The following SDK2 variants were observed in gnomAD, a reference collection of about 807,000 sequenced individuals.
SDK2 encodes the protein protein sidekick-2.
A neutral mutation model predicts 253.9 loss-of-function variants in SDK2; 105 were observed. The ratio of observed to expected loss-of-function variants is 0.41; its 90% CI spans 0.35 to 0.49. The LOEUF (loss-of-function observed/expected upper bound fraction) is 0.49, where lower values mean the gene tolerates loss of function less well. Among genes scored for constraint, SDK2 ranks in the 20% least tolerant of loss-of-function variants. The pLI is 0.06. For missense variants in SDK2, 2,608 were observed against 3,003.0 expected (o/e 0.87, Z 3.07); for synonymous variants, 1,249 against 1,234.9 (o/e 1.01, Z -0.24).
intron 1 of SDK2, among the ~76,000 whole-genome samples, chr17:73,544,649 T>C (rs80254617): frequency 0.028 from 4,210 of 152,228 alleles, 194 homozygotes; most frequent in African/African-American, 0.096. Flanking sequence ...GGATGGATGG[T>C]TGAGATACCT....
intron 6 of SDK2, among the ~76,000 whole-genome samples, chr17:73,440,310 T>C (rs1423223851): frequency 6.6e-6 from 1 of 152,056 alleles, no homozygotes; most frequent in Non-Finnish European, 1.5e-5. Context: ...TTCTCCATGT[T>C]GGTCAGGCTG....
chr17:73,343,381 A>G (rs1239457422), intron 44 of SDK2, among the ~76,000 whole-genome samples: 1 of 152,222 alleles, frequency 6.6e-6, no homozygotes, highest in Non-Finnish European at 1.5e-5. Context: ...TCCCGCCTCC[A>G]TCTCCCTGAA....
At position 73,381,908 on chromosome 17, in the gene SDK2, AAAAAAAC is replaced by A. The variant is rs879500247; in HGVS notation, c.4706-965_4706-959del. On this transcript the variant is annotated intron_variant, in intron 33 of 44. Transcript: ENST00000392650. ...GACTCTGTCTCAAAAAACAAAAAACAAAAAAACAAAAAACAAAAAACAAAAGCCGGGC... is the reference window on the plus strand; with the variant it reads ...GACTCTGTCTCAAAAAACAAAAAACAAAAAAACAAAAAACAAAAGCCGGGC... Among the ~76,000 whole-genome samples the A allele has an allele frequency of 3.8e-3, 566 of 150,786 alleles. 4 individuals are homozygous for A. Among genetic ancestry groups the A allele is most frequent in the African/African-American group, 0.013 (537 of 40,952 alleles).
At position 73,338,765 on chromosome 17, in the gene SDK2, G is replaced by A; in HGVS notation, c.6341C>T (p.Thr2114Ile). The A allele has an allele frequency of 6.2e-7, 1 of 1,613,944 alleles. No homozygotes were observed. The highest frequency in any genetic ancestry group is 1.1e-5 in the South Asian group (1 of 91,068). ...ESDSGEPDHT[T>I]VTNSTSTQQG... The stretch of plus-strand genomic sequence containing the variant: ...CTGGGTGCTGGTGCTGTTGGTGACG[G>A]TGGTGTGGTCTGGCTCACCCGAGTC... The change falls in exon 45 of 45, where the codon ACC becomes ATC. Residue 2114 changes from threonine to isoleucine, a missense_variant. Thr to Ile is a moderately conservative substitution (Grantham distance 89). Around this residue, in one of 2 missense-constraint regions of SDK2, gnomAD observed 1,103 missense variants for 1,143.9 expected, o/e 0.96. Transcript: ENST00000392650. This position sits in a 1 kb window ranked among gnomAD's most constrained non-coding sequence, Gnocchi z 5.0.
intron 1 of SDK2, among the ~76,000 whole-genome samples, chr17:73,620,265 C>G (rs2046117041): frequency 6.6e-6 from 1 of 151,140 alleles, no homozygotes; most frequent in Non-Finnish European, 1.5e-5. Flanking sequence ...AAACGGCCAA[C>G]AAGCACATGA....
intron 44 of SDK2, among the ~76,000 whole-genome samples, chr17:73,340,489 C>CA (rs1243212109): frequency 6.6e-6 from 1 of 152,134 alleles, no homozygotes; most frequent in Non-Finnish European, 1.5e-5. Flanking sequence ...GCTTCTCTGA[C>CA]ACAGTGTCAT....
In SDK2 at chr17:73,644,151, G is replaced by C. The variant is rs943186029; in HGVS notation, c.-63C>G. ...TCCCTCCGCCCTGTTTTATAATCCT[G>C]GTGGGGTCCGATACCCCGTGGCTTA... is the stretch of plus-strand genomic sequence containing the variant. On this transcript the variant is annotated 5_prime_UTR_variant, in exon 1 of 45. Transcript: ENST00000392650. The surrounding 1 kb of genome is among the most constrained non-coding windows in gnomAD (Gnocchi z 6.3). 1.4e-5 allele frequency: 20 copies of C among 1,385,962 alleles called. No individual in the cohort carries two copies. The African/African-American group carries it at 2.9e-4, about 20-fold the overall frequency. The allele number at this position is 1,385,962 out of a possible 1,614,324, so 85.9% of individuals were successfully genotyped here.
Position 73,361,925 on chromosome 17 carries a change from G to A in SDK2, c.5306-80C>T, listed in dbSNP as rs1286926902. 72 of 1,426,860 alleles carry A rather than the reference G, an allele frequency of 5.0e-5. 1 individual carries two copies. In the East Asian group the frequency reaches 7.1e-4, roughly 14 times the overall value. 88.4% of individuals were successfully genotyped at this position (1,426,860 alleles called of 1,614,324 possible). On this transcript the variant is annotated intron_variant, in intron 38 of 44. Coordinates refer to ENST00000392650, the MANE Select transcript of SDK2 (RefSeq NM_001144952.2). This position sits in a 1 kb window ranked among gnomAD's most constrained non-coding sequence, Gnocchi z 4.1. ...AGGCCATGGGGAAGGGGAAGCGGCC[G>A]TGGCCTGGGCCCCGGGACCCTGGGT...
intron 1 of SDK2, among the ~76,000 whole-genome samples, chr17:73,528,012 G>A (rs757733565): frequency 2.6e-5 from 4 of 152,094 alleles, no homozygotes; most frequent in Admixed American, 6.6e-5. Flanking sequence ...AGAGGGAAGC[G>A]TCAGCAGTGA....
intron 29 of SDK2, among the ~76,000 whole-genome samples, chr17:73,389,749 CTTAA>C (rs1411875274): frequency 2.0e-5 from 3 of 151,990 alleles, no homozygotes; most frequent in African/African-American, 4.8e-5. Flanking sequence ...CTAACCCTCC[CTTAA>C]TTAATTAATT....
At chr17:73,359,665 A>G (rs2062624914) in intron 39 of SDK2, among the ~76,000 whole-genome samples, 1 of 151,990 alleles carries the variant, frequency 6.6e-6, no homozygotes, top group South Asian at 2.1e-4. Flanking sequence ...TCTTTTTTTG[A>G]GACACGTTCT....
intron 1 of SDK2, among the ~76,000 whole-genome samples, chr17:73,554,070 T>A (rs951282948): frequency 2.6e-5 from 4 of 152,110 alleles, no homozygotes; most frequent in African/African-American, 9.7e-5. Context: ...CACCTATTCC[T>A]AACCCTGGAG....
At chr17:73,346,626 C>T (rs925304231) in intron 44 of SDK2, among the ~76,000 whole-genome samples, 3 of 152,182 alleles carry the variant, frequency 2.0e-5, no homozygotes, top group African/African-American at 2.4e-5. Context: ...TGAATTATAG[C>T]CTTTCTCACA....
intron 5 of SDK2, among the ~76,000 whole-genome samples, chr17:73,442,819 GA>G (rs1346834529): frequency 1.3e-3 from 178 of 140,962 alleles, no homozygotes; most frequent in Non-Finnish European, 1.2e-3. Flanking sequence ...GGTTTTATTG[GA>G]AAAAAAAAAA....
chr17:73,560,313 G>C (rs958610421), intron 1 of SDK2, among the ~76,000 whole-genome samples: 1 of 152,124 alleles, frequency 6.6e-6, no homozygotes, highest in Non-Finnish European at 1.5e-5. Flanking sequence ...CTCTGCACCC[G>C]ACCGTGCCTC....
chr17:73,500,420 A>C (rs1315077754), intron 2 of SDK2, among the ~76,000 whole-genome samples: 24 of 75,236 alleles, frequency 3.2e-4, no homozygotes, highest in East Asian at 4.0e-4. Flanking sequence ...TCCTTCCATT[A>C]TCCATCATCC....
At position 73,616,528 on chromosome 17, in the gene SDK2, G is replaced by A. The variant is rs749975179; in HGVS notation, c.64+27497C>T. On this transcript the variant is annotated intron_variant, in intron 1 of 44. Transcript: ENST00000392650. This position sits in a 1 kb window ranked among gnomAD's most constrained non-coding sequence, Gnocchi z 5.2. ...TTGGTTTGTTGCTTTGGTTTGTTTCGTTCTCCTGGCTGAATTACCACGTGG... is the reference window on the plus strand; with the variant it reads ...TTGGTTTGTTGCTTTGGTTTGTTTCATTCTCCTGGCTGAATTACCACGTGG... 2.0e-5 allele frequency among the ~76,000 whole-genome samples: 3 copies of A among 152,156 alleles called. No individual in the cohort carries two copies. Among genetic ancestry groups the A allele is most frequent in the Non-Finnish European group, 4.4e-5 (3 of 68,046 alleles).
rs2062965429 is a variant in SDK2 at position 73,395,647 on chromosome 17, A to G, written c.3355-255T>C. ...TCTTTATTGTGTATGTGACAAATCT[A>G]TTACCCTGCCAAGGGAGTCAGGAGC... On this transcript the variant is annotated intron_variant, in intron 24 of 44. Transcript: ENST00000392650. The surrounding 1 kb of genome is among the most constrained non-coding windows in gnomAD (Gnocchi z 4.3). Among the ~76,000 whole-genome samples, 1 of 152,144 alleles carries G rather than the reference A, an allele frequency of 6.6e-6. No individual in the cohort carries two copies. Among genetic ancestry groups the G allele is most frequent in the African/African-American group, 2.4e-5 (1 of 41,414 alleles).
chr17:73,506,430 A>G (rs1027660610), intron 2 of SDK2, among the ~76,000 whole-genome samples: 2 of 152,148 alleles, frequency 1.3e-5, no homozygotes, highest in East Asian at 3.9e-4. Flanking sequence ...ACACCAGCCC[A>G]TGCAGTCCAG....
Sources: gnomAD v4.1 joint callset for allele counts (sites outside exome capture counted in the v4.1 genomes callset) on GRCh38, gnomAD v4.1.1 for gene constraint, gnomAD v4.1.1 regional missense constraint, Gnocchi (gnomAD v3.1) non-coding constraint, MANE v1.5 for transcripts, NCBI Gene and HGNC (gene_info 2026-07-23, HGNC 2026-07-21) for gene names.